EXOSC7: variants seen among roughly 807,000 people sequenced by gnomAD.
EXOSC7 encodes exosome complex component RRP42.
In EXOSC7, 25 loss-of-function variants were observed where a neutral mutation model predicts 34.3. The ratio of observed to expected loss-of-function variants is 0.73; its 90% confidence interval spans 0.53 to 1.02. The LOEUF is 1.02. Among genes scored for constraint, EXOSC7 ranks in the 50% least tolerant of loss-of-function variants. EXOSC7 has a pLI of 0.00. For missense variants in EXOSC7, 370 were observed against 368.5 expected (o/e 1.00, Z -0.03); for synonymous variants, 130 against 143.0 (o/e 0.91, Z 0.65).
At chr3:44,987,085 TAA>T (rs34134550) in intron 1 of EXOSC7, among the ~76,000 whole-genome samples, 73,336 of 148,128 alleles carry the variant, frequency 0.5, 18,810 homozygotes, top group East Asian at 0.85. Flanking sequence ...TATATATAGT[TAA>T]GTGTTAAAAA....
intron 3 of EXOSC7, among the ~76,000 whole-genome samples, chr3:44,995,747 T>C (rs1706703309): frequency 6.6e-6 from 1 of 152,140 alleles, no homozygotes. Flanking sequence ...CTCACAGTGG[T>C]AAAGGAGGAG....
rs1012745827 is a variant in EXOSC7 at position 44,989,083 on chromosome 3, G to A, written c.58-57G>A. The A allele has an allele frequency of 5.9e-5, 72 of 1,214,798 alleles. 1 individual carries two copies. The South Asian group carries it at 6.4e-4, about 11-fold the overall frequency. 75.3% of individuals were successfully genotyped at this position (1,214,798 alleles called of 1,614,324 possible). ...CTCTAGGGGGAAAATGGGTGAGTCC[G>A]TTTAGGAGTTATTGTTGATCTGGGG... On this transcript the variant is annotated intron_variant, in intron 1 of 7. Coordinates refer to ENST00000265564, the MANE Select transcript of EXOSC7 (RefSeq NM_015004.4).
intron 6 of EXOSC7, among the ~76,000 whole-genome samples, chr3:45,005,802 G>A (rs1707021233): frequency 6.6e-6 from 1 of 152,156 alleles, no homozygotes. Flanking sequence ...ATGGGAGGTT[G>A]GAGCAGGTCT....
intron 6 of EXOSC7, among the ~76,000 whole-genome samples, chr3:45,006,722 T>G (rs1399916923): frequency 6.6e-6 from 1 of 152,098 alleles, no homozygotes; most frequent in Non-Finnish European, 1.5e-5. Flanking sequence ...GGCCTTGTTT[T>G]GAGACAGTGT....
chr3:45,003,440 A>G (rs796974585), intron 5 of EXOSC7, among the ~76,000 whole-genome samples: 78 of 152,300 alleles, frequency 5.1e-4, no homozygotes, highest in African/African-American at 1.6e-3. Flanking sequence ...GGAAGGCTCC[A>G]AATGGGGAAG....
chr3:44,994,858 T>G (rs879459114), intron 3 of EXOSC7, among the ~76,000 whole-genome samples: 110 of 5,856 alleles, frequency 0.019, 1 homozygote, highest in South Asian at 0.066. Flanking sequence ...GAAGAATGGG[T>G]GTGTGTGTGT....
intron 1 of EXOSC7, among the ~76,000 whole-genome samples, chr3:44,983,448 A>T (rs573033691): frequency 6.6e-6 from 1 of 152,236 alleles, no homozygotes; most frequent in Non-Finnish European, 1.5e-5. Context: ...AAACAGGCTT[A>T]GAGCTATTTA....
At chr3:44,977,712 A>C (rs1014508639) in intron 1 of EXOSC7, among the ~76,000 whole-genome samples, 8 of 152,204 alleles carry the variant, frequency 5.3e-5, no homozygotes, top group Admixed American at 1.3e-4. Flanking sequence ...TTTTATCCTC[A>C]AAGTATTTTT....
intron 1 of EXOSC7, among the ~76,000 whole-genome samples, chr3:44,978,690 A>G (rs1048817242): frequency 6.6e-6 from 1 of 152,306 alleles, no homozygotes; most frequent in Admixed American, 6.5e-5. Context: ...TCCAGAAGGA[A>G]GGGGTGGTGA....
intron 3 of EXOSC7, among the ~76,000 whole-genome samples, chr3:44,995,761 A>C (rs1270847968): frequency 6.6e-6 from 1 of 152,224 alleles, no homozygotes; most frequent in African/African-American, 2.4e-5. Context: ...GGAGGAGTAC[A>C]TAATTAGAGA....
chr3:45,010,991 C>T (rs1707194120), intron 7 of EXOSC7, among the ~76,000 whole-genome samples: 1 of 152,156 alleles, frequency 6.6e-6, no homozygotes, highest in African/African-American at 2.4e-5. Context: ...TGTTTGTTGC[C>T]TGGTGGGGGC....
intron 1 of EXOSC7, among the ~76,000 whole-genome samples, chr3:44,988,403 C>T: frequency 6.6e-6 from 1 of 152,188 alleles, no homozygotes; most frequent in East Asian, 1.9e-4. Context: ...AAGGAACAGG[C>T]AGCGCGTAGA....
chr3:44,997,453 C>T (rs976397332), intron 4 of EXOSC7, among the ~76,000 whole-genome samples: 1 of 152,012 alleles, frequency 6.6e-6, no homozygotes, highest in Non-Finnish European at 1.5e-5. Context: ...ATATATAATG[C>T]CATTCTATGA....
chr3:45,003,711 A>G (rs1390923797), intron 5 of EXOSC7, among the ~76,000 whole-genome samples: 1 of 152,220 alleles, frequency 6.6e-6, no homozygotes, highest in Non-Finnish European at 1.5e-5. Flanking sequence ...CTGAAGAAAC[A>G]GAATGTTGCC....
intron 6 of EXOSC7, among the ~76,000 whole-genome samples, chr3:45,006,412 T>G (rs1165933939): frequency 0.027 from 3,515 of 128,394 alleles, 101 homozygotes; most frequent in African/African-American, 0.093. Context: ...TTGTTTTTTT[T>G]TTTTTTTTTT....
chr3:44,987,591 C>T (rs1004050030), intron 1 of EXOSC7, among the ~76,000 whole-genome samples: 2 of 152,076 alleles, frequency 1.3e-5, no homozygotes, highest in African/African-American at 4.8e-5. Flanking sequence ...TACAAATGAG[C>T]CTGTGTTACA....
At chr3:44,978,808 T>TA (rs2125960117) in intron 1 of EXOSC7, among the ~76,000 whole-genome samples, 1 of 152,256 alleles carries the variant, frequency 6.6e-6, no homozygotes, top group Admixed American at 6.5e-5. Flanking sequence ...CTAGAGGTCT[T>TA]AGAGGTTCAG....
At chr3:45,010,980 CTGTT>C (rs1485328492) in intron 7 of EXOSC7, among the ~76,000 whole-genome samples, 2 of 152,304 alleles carry the variant, frequency 1.3e-5, no homozygotes, top group African/African-American at 2.4e-5. Context: ...TTGCTGCTCT[CTGTT>C]TGTTGCCTGG....
In EXOSC7 at chr3:44,985,665, G is replaced by A. The variant is rs1706390339; in HGVS notation, c.58-3475G>A. The stretch of plus-strand genomic sequence containing the variant: ...AAGGCAGTGTGGACCCAAAGAGTGA[G>A]CAGTAGCAAGATTTATTGCAAAGAG... On this transcript the variant is annotated intron_variant, in intron 1 of 7. Coordinates refer to ENST00000265564, the MANE Select transcript of EXOSC7 (RefSeq NM_015004.4). 3.3e-5 allele frequency among the ~76,000 whole-genome samples: 5 copies of A among 152,170 alleles called. No individual in the cohort carries two copies. In the South Asian group the frequency reaches 1.0e-3, roughly 32 times the overall value.
Sources: gnomAD v4.1 joint callset for allele counts (sites outside exome capture counted in the v4.1 genomes callset) on GRCh38, gnomAD v4.1.1 for gene constraint, MANE v1.5 for transcripts, NCBI Gene and HGNC (gene_info 2026-07-23, HGNC 2026-07-21) for gene names.